The following ALPK1 variants were observed in gnomAD, a reference collection of about 807,000 sequenced individuals.
ALPK1 encodes the protein alpha-protein kinase 1.
ALPK1 carries 110 observed loss-of-function variants against 120.6 expected under a neutral mutation model. The ratio of observed to expected loss-of-function variants is 0.91; its 90% CI spans 0.78 to 1.07. ALPK1 has a LOEUF of 1.07. Among genes scored for constraint, ALPK1 ranks in the 50% least tolerant of loss-of-function variants. The pLI, the probability that ALPK1 is intolerant of heterozygous loss-of-function variation, is 0.00. For synonymous variants in ALPK1, 582 were observed against 560.3 expected (o/e 1.04, Z -0.55); for missense variants, 1,498 against 1,483.9 (o/e 1.01, Z -0.16).
At chr4:112,370,027 G>A (rs1052838405) in intron 2 of ALPK1, among the ~76,000 whole-genome samples, 1 of 152,186 alleles carries the variant, frequency 6.6e-6, no homozygotes, top group Non-Finnish European at 1.5e-5. Flanking sequence ...GTAGACAATG[G>A]AATATCTCTG....
chr4:112,408,121 A>G (rs947753647), intron 4 of ALPK1, among the ~76,000 whole-genome samples: 2 of 152,052 alleles, frequency 1.3e-5, no homozygotes, highest in African/African-American at 4.8e-5. Flanking sequence ...AAGACAAAAA[A>G]AAAAATGGAG....
chr4:112,304,263 C>G (rs1249006586), intron 1 of ALPK1, among the ~76,000 whole-genome samples: 1 of 151,972 alleles, frequency 6.6e-6, no homozygotes, highest in Non-Finnish European at 1.5e-5. Context: ...GGGTATATAC[C>G]CAGTAATGGG....
chr4:112,432,611 C>G lies in ALPK1; in HGVS notation c.3034+30C>G, dbSNP rs768853407. 6 of 1,586,246 alleles carry G rather than the reference C, an allele frequency of 3.8e-6. No homozygotes were observed. In the South Asian group the frequency reaches 4.5e-5, roughly 12 times the overall value. ...GTACAATCTTTTCAATAGTTCCCCC[C>G]TCAGGAAGCAGCTGTGTTGGGGCAC... On this transcript the variant is annotated intron_variant, in intron 11 of 15. Transcript: ENST00000650871.
chr4:112,341,828 A>G lies in ALPK1; in HGVS notation c.-101+25976A>G, dbSNP rs550012383. 3.9e-5 allele frequency among the ~76,000 whole-genome samples: 6 copies of G among 152,360 alleles called. No individual in the cohort carries two copies. The South Asian group carries it at 8.3e-4, about 21-fold the overall frequency. ...ATAATGATATCGGTGCCAAGAGAAT[A>G]AGACAAAATTACGTTTGGTATTACA... On this transcript the variant is annotated intron_variant, in intron 2 of 15. Coordinates refer to ENST00000650871, the MANE Select transcript of ALPK1 (RefSeq NM_025144.4).
At chr4:112,394,733 A>G (rs928775988) in intron 4 of ALPK1, among the ~76,000 whole-genome samples, 5 of 152,218 alleles carry the variant, frequency 3.3e-5, no homozygotes, top group Non-Finnish European at 5.9e-5. Flanking sequence ...TGATGAGGCT[A>G]AATCTATGGC....
chr4:112,305,546 CTGTT>C (rs1418119919), intron 1 of ALPK1, among the ~76,000 whole-genome samples: 4 of 152,040 alleles, frequency 2.6e-5, no homozygotes, highest in African/African-American at 4.8e-5. Context: ...ATTTGGCTCT[CTGTT>C]TGTCTGTTAT....
At chr4:112,393,504 A>G (rs898696412) in intron 4 of ALPK1, among the ~76,000 whole-genome samples, 5 of 152,244 alleles carry the variant, frequency 3.3e-5, no homozygotes, top group African/African-American at 1.2e-4. Context: ...CATTTTCATC[A>G]AGGTGGTGAG....
intron 13 of ALPK1, 44 bp from the exon 14 acceptor site, chr4:112,439,642 G>A: frequency 1.3e-6 from 2 of 1,529,480 alleles, no homozygotes; most frequent in African/African-American, 1.4e-5. Context: ...AAAGACAATG[G>A]CCTTTACCAT....
chr4:112,349,129 A>G (rs1242776739), intron 2 of ALPK1, among the ~76,000 whole-genome samples: 1 of 152,170 alleles, frequency 6.6e-6, no homozygotes, highest in Non-Finnish European at 1.5e-5. Context: ...AGTGGTCATA[A>G]CATTTCAATT....
In ALPK1 at chr4:112,431,425, T is replaced by G. The variant is rs1560686673; in HGVS notation, c.1878T>G (p.Ser626=). 3 of 1,614,232 alleles carry G rather than the reference T, an allele frequency of 1.9e-6. No homozygotes were observed. Among genetic ancestry groups the G allele is most frequent in the Middle Eastern group, 1.6e-4 (1 of 6,062 alleles). ...ACACTCAGTGTTCCACTGCCTTGTC[T>G]GAGGAGCTAGAGAATGACAGGGAAG... The part of the protein sequence containing the change: ...LVDTQCSTAL[S]EELENDREGR... Residue 626 remains serine (S), a synonymous_variant, in exon 11 of 16, where the codon TCT becomes TCG. Coordinates refer to ENST00000650871, the MANE Select transcript of ALPK1 (RefSeq NM_025144.4).
At position 112,359,192 on chromosome 4, in the gene ALPK1, C is replaced by T. The variant is rs939366235; in HGVS notation, c.-100-18486C>T. 1.8e-5 allele frequency: 11 copies of T among 609,702 alleles called. No homozygotes were observed. In the South Asian group the frequency reaches 1.9e-4, roughly 10 times the overall value. 37.8% of individuals were successfully genotyped at this position (609,702 alleles called of 1,614,324 possible). A position where few individuals can be genotyped will look rare whatever the true frequency, so the allele number is the denominator to read the frequency against. On this transcript the variant is annotated intron_variant, in intron 2 of 15. Coordinates refer to ENST00000650871, the MANE Select transcript of ALPK1 (RefSeq NM_025144.4). ...CCCACCTGTCCCCCAGGCCACCCCCCACAGGAGACCCTGGCAGCCACCCAC... is the reference window on the plus strand; with the variant it reads ...CCCACCTGTCCCCCAGGCCACCCCCTACAGGAGACCCTGGCAGCCACCCAC...
chr4:112,358,939 G>A (rs1467317144), intron 2 of ALPK1: 6 of 769,038 alleles, frequency 7.8e-6, no homozygotes, highest in East Asian at 2.4e-5. Flanking sequence ...CAGCTCCAGG[G>A]CTTCTACCAG....
chr4:112,345,957 G>A (rs149715045), intron 2 of ALPK1, among the ~76,000 whole-genome samples: 1,744 of 152,238 alleles, frequency 0.011, 22 homozygotes, highest in African/African-American at 0.039. Flanking sequence ...TTTGTCTCCC[G>A]GGTTCAAGCA....
In ALPK1 at chr4:112,411,897, G is replaced by T. The variant is rs1238367119; in HGVS notation, c.347G>T (p.Arg116Leu). Residue 116 changes from arginine (R) to leucine (L), a missense_variant, in exon 5 of 16, where the codon CGG becomes CTG. Coordinates refer to ENST00000650871, the MANE Select transcript of ALPK1 (RefSeq NM_025144.4). ...AAAAIVFLVD[R>L]FLYGLDVSGK... is the part of the protein sequence containing the mutation. ...GCGGCTATTGTGTTCTTGGTGGACC[G>T]GTTCCTGTATGGGCTCGACGTCTCT... is the stretch of plus-strand genomic sequence containing the variant. 2 of 1,614,092 alleles carry T rather than the reference G, an allele frequency of 1.2e-6. No homozygotes were observed.
chr4:112,343,493 C>T (rs990713735), intron 2 of ALPK1: 15 of 152,076 alleles, frequency 9.9e-5, no homozygotes, highest in African/African-American at 3.4e-4. Context: ...AGTAAATACC[C>T]GTCTCAAAGA....
At chr4:112,435,885 C>T (rs866617316) in intron 12 of ALPK1, among the ~76,000 whole-genome samples, 4 of 152,184 alleles carry the variant, frequency 2.6e-5, no homozygotes, top group South Asian at 2.1e-4. Context: ...TACATCCCCA[C>T]GATAAAGGGT....
chr4:112,356,462 C>A, intron 2 of ALPK1: 4 of 948,168 alleles, frequency 4.2e-6, no homozygotes, highest in South Asian at 2.6e-5. Flanking sequence ...AGATCATTTA[C>A]GCCTTTAGGA....
chr4:112,431,279 C>T lies in ALPK1; in HGVS notation c.1732C>T (p.Gln578Ter), dbSNP rs1354530780. The T allele has an allele frequency of 7.4e-6, 12 of 1,614,192 alleles. No individual in the cohort carries two copies. The highest frequency in any genetic ancestry group is 1.0e-5 in the Non-Finnish European group (12 of 1,180,034). ...TTTCAACAAGTCTCTGAGTGGCAGC[C>T]AGACTTCCAGTGCTTGGAGCAACTT... ...AVFNKSLSGS[Q>*]TSSAWSNLSG... is the part of the protein sequence containing the mutation. Residue 578 changes from glutamine to a stop codon, truncating the protein, a stop_gained, in exon 11 of 16, where the codon CAG becomes TAG. Transcript: ENST00000650871. LOFTEE classifies it high-confidence loss of function.
At chr4:112,367,933 A>C (rs1024448897) in intron 2 of ALPK1, among the ~76,000 whole-genome samples, 2 of 151,932 alleles carry the variant, frequency 1.3e-5, no homozygotes, top group Non-Finnish European at 2.9e-5. Context: ...ACGGAGTCTC[A>C]CTCTGTTGCC....
Sources: gnomAD v4.1 joint callset for allele counts (sites outside exome capture counted in the v4.1 genomes callset) on GRCh38, gnomAD v4.1.1 for gene constraint, MANE v1.5 for transcripts, NCBI Gene and HGNC (gene_info 2026-07-23, HGNC 2026-07-21) for gene names.